Variants in NOC3L observed in about 807,000 individuals in gnomAD.
The protein encoded by NOC3L is NOC3 like DNA replication regulator, also known as nucleolar complex protein 3 homolog.
In NOC3L, 85 loss-of-function variants were observed where a neutral mutation model predicts 102.5. The observed-to-expected ratio is 0.83, with a 90% CI of 0.70 to 0.99. The LOEUF (loss-of-function observed/expected upper bound fraction) is 0.99. Ranked by LOEUF, NOC3L falls within the 50% of genes least tolerant of loss-of-function variation. The probability of loss-of-function intolerance (pLI) is 0.00; values close to 1 mark genes in which losing one functional copy is unlikely to be tolerated. For synonymous variants in NOC3L, 303 were observed against 309.4 expected (o/e 0.98, Z 0.22); for missense variants, 878 against 914.9 (o/e 0.96, Z 0.52).
rs376327743 is a variant in NOC3L, at chr10:94,350,236, G to C, written c.1005C>G (p.Tyr335Ter). 1.9e-6 allele frequency: 3 copies of C among 1,613,974 alleles called. No individual in the cohort carries two copies. In the African/African-American group the frequency reaches 4.0e-5, roughly 22 times the overall value. The stretch of plus-strand genomic sequence containing the variant: ...TCACAGCGACTTCTGCCAGTCCTTT[G>C]TATGCCTTTAAGGAAACTACATTAC... ...KKSNVVSLKA[Y>*]KGLAEVAVKS... Residue 335 changes from tyrosine (Y) to a stop codon, truncating the protein, a stop_gained, in exon 9 of 21, where the codon TAC (tyrosine) becomes TAG (stop). Coordinates refer to ENST00000371361, the MANE Select transcript of NOC3L (RefSeq NM_022451.11). LOFTEE classifies it high-confidence loss of function.
intron 17 of NOC3L, among the ~76,000 whole-genome samples, chr10:94,338,980 C>T (rs1166920664): frequency 6.6e-6 from 1 of 152,110 alleles, no homozygotes; most frequent in Non-Finnish European, 1.5e-5. Context: ...AAAAAATATG[C>T]TTCTCACCTT....
chr10:94,341,023 T>G (rs1001957514), intron 14 of NOC3L, among the ~76,000 whole-genome samples: 1 of 147,076 alleles, frequency 6.8e-6, no homozygotes, highest in Non-Finnish European at 1.5e-5. Flanking sequence ...AATAGAAAAA[T>G]TAGCCAGGTA....
Position 94,349,246 on chromosome 10 carries a change from T to C in NOC3L, c.1257+4A>G. Reference sequence around the variant, plus strand: ...AAATGCAAAGTAAAAAAAAAAAGGCTCACCTCTGGCCTAACTTCGTAATTT... The same window carrying C: ...AAATGCAAAGTAAAAAAAAAAAGGCCCACCTCTGGCCTAACTTCGTAATTT... On this transcript the variant is annotated splice_donor_region_variant and intron_variant, in intron 10 of 20. Transcript: ENST00000371361. The C allele has an allele frequency of 6.4e-7, 1 of 1,553,952 alleles. No individual in the cohort carries two copies. Among genetic ancestry groups the C allele is most frequent in the Non-Finnish European group, 8.6e-7 (1 of 1,161,464 alleles).
chr10:94,318,509 G>A, the NOC3L span, among the ~76,000 whole-genome samples: 1 of 152,124 alleles, frequency 6.6e-6, no homozygotes, highest in Non-Finnish European at 1.5e-5. Flanking sequence ...ATTCAGAGAG[G>A]TGAAATCATG....
Position 94,361,882 on chromosome 10 carries a change from A to G in NOC3L, c.10-10T>C, listed in dbSNP as rs1395588006. ...GTTTTTTATTTCTTCTCTAGAAAATAACAGAAAGAATACTGCATACCCAGA... is the reference window on the plus strand; with the variant it reads ...GTTTTTTATTTCTTCTCTAGAAAATGACAGAAAGAATACTGCATACCCAGA... On this transcript the variant is annotated splice_polypyrimidine_tract_variant and intron_variant, in intron 1 of 20. Coordinates refer to ENST00000371361, the MANE Select transcript of NOC3L (RefSeq NM_022451.11). 8 of 1,581,052 alleles carry G rather than the reference A, an allele frequency of 5.1e-6. No individual in the cohort carries two copies. The highest frequency in any genetic ancestry group is 6.9e-6 in the Non-Finnish European group (8 of 1,154,052).
chr10:94,344,830 T>C, intron 12 of NOC3L, 23 bp downstream of exon 12: 22 of 1,537,630 alleles, frequency 1.4e-5, no homozygotes, highest in Admixed American at 2.0e-5. Context: ...TTTAAAAGCA[T>C]AACAGAATAT....
intron 1 of NOC3L, among the ~76,000 whole-genome samples, chr10:94,362,251 C>G (rs1467137074): frequency 1.3e-5 from 2 of 152,188 alleles, no homozygotes; most frequent in Non-Finnish European, 2.9e-5. Flanking sequence ...TTACAAAGTG[C>G]TCCAACAAAT....
chr10:94,359,244 G>A (rs1244628773), intron 2 of NOC3L, among the ~76,000 whole-genome samples: 1 of 152,170 alleles, frequency 6.6e-6, no homozygotes, highest in African/African-American at 2.4e-5. Flanking sequence ...GGCCAACATG[G>A]TGAAACCCCA....
rs150517106 is a variant in NOC3L at position 94,336,355 on chromosome 10, T to G, written c.2189+1422A>C. On this transcript the variant is annotated intron_variant, in intron 19 of 20. Coordinates refer to ENST00000371361, the MANE Select transcript of NOC3L (RefSeq NM_022451.11). ...AGAATTCTGAGAAAATAAATTTCTG[T>G]TTTTTTTTTTTCAGACGGATTCGCT... is the stretch of plus-strand genomic sequence containing the variant. 8.2e-3 allele frequency among the ~76,000 whole-genome samples: 1,048 copies of G among 128,186 alleles called. 49 individuals are homozygous for G. The East Asian group carries it at 0.12, about 14-fold the overall frequency. The allele number at this position is 128,186 out of a possible 152,430, so 84.1% of individuals were successfully genotyped here.
chr10:94,329,036 CTT>C (rs1298108279), downstream of NOC3L: 1 of 152,138 alleles, frequency 6.6e-6, no homozygotes, highest in African/African-American at 2.4e-5. Context: ...ACATCGCTCT[CTT>C]GATATTGCCA....
chr10:94,325,126 TC>T, the NOC3L span: 1 of 1,519,228 alleles, frequency 6.6e-7, no homozygotes, highest in Non-Finnish European at 9.1e-7. Flanking sequence ...CATTGCACCA[TC>T]CTGGAACAGG....
rs558246248 is a variant in NOC3L, at chr10:94,358,029, CA to C, written c.350+53del. 172 of 1,208,982 alleles carry C rather than the reference CA, an allele frequency of 1.4e-4. No individual in the cohort carries two copies. In the African/African-American group the frequency reaches 2.2e-3, roughly 16 times the overall value. The allele number at this position is 1,208,982 out of a possible 1,614,324, so 74.9% of individuals were successfully genotyped here. A position where few individuals can be genotyped will look rare whatever the true frequency, so the allele number is the denominator to read the frequency against. ...GAACCACCTAAGTGAAATTCAGAAC[CA>C]AGTTTTTAACACTAAATGGATATGA... On this transcript the variant is annotated intron_variant, in intron 3 of 20. Coordinates refer to ENST00000371361, the MANE Select transcript of NOC3L (RefSeq NM_022451.11).
the NOC3L span, among the ~76,000 whole-genome samples, chr10:94,321,167 A>G: frequency 6.6e-6 from 1 of 152,178 alleles, no homozygotes; most frequent in African/African-American, 2.4e-5. Flanking sequence ...CAACCTGTCA[A>G]TTTCATGGTT....
chr10:94,362,071 A>C, intron 1 of NOC3L, 199 bp from the exon 2 acceptor site: 1 of 629,824 alleles, frequency 1.6e-6, no homozygotes, highest in Non-Finnish European at 2.9e-6. Flanking sequence ...TTCAATCCCA[A>C]TTCACAGCAA....
intron 8 of NOC3L, among the ~76,000 whole-genome samples, chr10:94,350,789 T>C (rs2054406855): frequency 6.6e-6 from 1 of 151,016 alleles, no homozygotes; most frequent in African/African-American, 2.4e-5. Flanking sequence ...AGGTCCAATA[T>C]GGAGGCTACT....
At chr10:94,334,390 A>G (rs2133980776) in intron 20 of NOC3L, 85 bp from the exon 21 acceptor site, 1 of 814,636 alleles carries the variant, frequency 1.2e-6, no homozygotes, top group Middle Eastern at 3.5e-4. Context: ...AAATGGCAAC[A>G]GCTGACACCA....
chr10:94,352,363 C>A lies in NOC3L; in HGVS notation c.899G>T (p.Gly300Val), dbSNP rs762852859. 1 of 1,613,830 alleles carries A rather than the reference C, an allele frequency of 6.2e-7. No homozygotes were observed. The highest frequency in any genetic ancestry group is 8.5e-7 in the Non-Finnish European group (1 of 1,179,878). Residue 300 changes from glycine to valine, a missense_variant, in exon 8 of 21, where the codon GGC becomes GTC. Coordinates refer to ENST00000371361, the MANE Select transcript of NOC3L (RefSeq NM_022451.11). The stretch of plus-strand genomic sequence containing the variant: ...ATAAAACTTGTATTGGCTAACCAGG[C>A]CTTCTTCAAATTCTCTTAACTTCTG... ...ETQKLREFEE[G>V]LVSQYKFYLE...
rs2054181315 is a variant in NOC3L, at chr10:94,333,398, A to G, written c.*779T>C. 6.6e-6 allele frequency: 1 copy of G among 152,180 alleles called. No homozygotes were observed. Among genetic ancestry groups the G allele is most frequent in the South Asian group, 2.1e-4 (1 of 4,832 alleles). 9.4% of individuals were successfully genotyped at this position (152,180 alleles called of 1,614,324 possible). On this transcript the variant is annotated 3_prime_UTR_variant, in exon 21 of 21. Transcript: ENST00000371361. ...AAGAAAAAGCATTTTACCTGTTCCA[A>G]GAGGGGAAAAAAGCTCCTCATTGAG...
the NOC3L span, among the ~76,000 whole-genome samples, chr10:94,319,864 C>CTTTTTTTTTTTTTTTTTT: frequency 6.0e-4 from 56 of 92,932 alleles, 3 homozygotes; most frequent in African/African-American, 1.0e-3. Flanking sequence ...CAAAGGTGCT[C>CTTTTTTTTTTTTTTTTTT]TTTTTTTTTT....
Sources: gnomAD v4.1 joint callset for allele counts (sites outside exome capture counted in the v4.1 genomes callset) on GRCh38, gnomAD v4.1.1 for gene constraint, MANE v1.5 for transcripts, NCBI Gene and HGNC (gene_info 2026-07-23, HGNC 2026-07-21) for gene names.